The following TRPC6 variants were observed in gnomAD, a reference collection of about 807,000 sequenced individuals.
TRPC6 encodes the protein short transient receptor potential channel 6.
A neutral mutation model predicts 90.7 loss-of-function variants in TRPC6; 55 were observed. That is an observed-to-expected ratio of 0.61 (90% CI 0.49 to 0.76). The LOEUF is 0.76. TRPC6 is among the 30% of genes least tolerant of loss of function. The probability of loss-of-function intolerance (pLI) is 0.00; values close to 1 mark genes in which losing one functional copy is unlikely to be tolerated. For synonymous variants in TRPC6, 393 were observed against 393.0 expected, an observed-to-expected ratio of 1.00 and a Z score of 0.00; for missense variants, 989 against 1,122.7, an observed-to-expected ratio of 0.88 and a Z score of 1.70.
intron 1 of TRPC6, among the ~76,000 whole-genome samples, chr11:101,535,394 TTA>T (rs150780781): frequency 0.32 from 35,646 of 111,694 alleles, 4,511 homozygotes; most frequent in Middle Eastern, 0.5. Flanking sequence ...AATCTTATTA[TTA>T]TTTTTTTTTT....
chr11:101,579,016 T>G (rs1862133321), intron 1 of TRPC6, among the ~76,000 whole-genome samples: 1 of 152,106 alleles, frequency 6.6e-6, no homozygotes, highest in South Asian at 2.1e-4. Flanking sequence ...TTCATAAACA[T>G]GAAAATTCAT....
At position 101,452,470 on chromosome 11, in the gene TRPC6, C is replaced by G. The variant is rs1858785453; in HGVS notation, c.*485G>C. 6.1e-6 allele frequency: 1 copy of G among 163,960 alleles called. No homozygotes were observed. The highest frequency in any genetic ancestry group is 5.7e-5 in the Admixed American group (1 of 17,626). 10.2% of individuals were successfully genotyped at this position (163,960 alleles called of 1,614,324 possible). On this transcript the variant is annotated 3_prime_UTR_variant, in exon 13 of 13. Coordinates refer to ENST00000344327, the MANE Select transcript of TRPC6 (RefSeq NM_004621.6). ...AGTAGGGTAAATGGTGTTTAAACAG[C>G]ATTCTAAAGAAAGGATTAAAGCATT...
At chr11:101,464,756 CTG>C (rs1482364011) in intron 10 of TRPC6, among the ~76,000 whole-genome samples, 3 of 152,088 alleles carry the variant, frequency 2.0e-5, no homozygotes, top group Non-Finnish European at 2.9e-5. Context: ...ATATGCCAGT[CTG>C]TGTCTTTTAA....
chr11:101,581,912 AAAGTCTGTACTATGAG>A (rs1454150945), intron 1 of TRPC6, among the ~76,000 whole-genome samples: 2 of 152,232 alleles, frequency 1.3e-5, no homozygotes, highest in African/African-American at 4.8e-5. Context: ...TAAAGTTGGA[AAAGTCTGTACTATGAG>A]ACATAAAAAT....
At chr11:101,579,983 AC>A (rs1189687015) in intron 1 of TRPC6, among the ~76,000 whole-genome samples, 2 of 152,142 alleles carry the variant, frequency 1.3e-5, no homozygotes, top group Non-Finnish European at 2.9e-5. Flanking sequence ...ATGGTAGATT[AC>A]CCTTTTATTT....
intron 10 of TRPC6, among the ~76,000 whole-genome samples, chr11:101,467,108 C>T (rs937818337): frequency 2.0e-5 from 3 of 152,208 alleles, no homozygotes; most frequent in South Asian, 2.1e-4. Context: ...CTGCCTTCTG[C>T]GTCGATCTTG....
At chr11:101,538,491 T>C (rs1358209172) in intron 1 of TRPC6, among the ~76,000 whole-genome samples, 1 of 152,128 alleles carries the variant, frequency 6.6e-6, no homozygotes, top group East Asian at 1.9e-4. Flanking sequence ...GGCTGAATGG[T>C]CTCCCAAAGA....
intron 5 of TRPC6, among the ~76,000 whole-genome samples, chr11:101,479,564 A>G (rs570258313): frequency 6.6e-6 from 1 of 152,326 alleles, no homozygotes; most frequent in African/African-American, 2.4e-5. Context: ...CACACCCAAC[A>G]TCTCATCTAA....
At position 101,471,329 on chromosome 11, in the gene TRPC6, C is replaced by T. The variant is rs1462423592; in HGVS notation, c.2263G>A (p.Glu755Lys). The change falls in exon 9 of 13, where the codon GAG (glutamate) becomes AAG (lysine). Residue 755 changes from glutamate (E) to lysine (K), a missense_variant. Around this residue, in one of 4 missense-constraint regions of TRPC6, gnomAD observed 191 missense variants for 196.7 expected, o/e 0.97. Coordinates refer to ENST00000344327, the MANE Select transcript of TRPC6 (RefSeq NM_004621.6). ...GGTACAGGAAGTGTTCTGCCCTCCT[C>T]AAAGTAGGAAAACCAGAGTTTGGCC... The part of the protein sequence containing the change: ...ARAKLWFSYF[E>K]EGRTLPVPFN... The T allele has an allele frequency of 2.1e-5, 34 of 1,613,788 alleles. No homozygotes were observed. The highest frequency in any genetic ancestry group is 2.6e-5 in the Non-Finnish European group (31 of 1,179,868).
intron 5 of TRPC6, among the ~76,000 whole-genome samples, chr11:101,478,627 C>G (rs1271586610): frequency 6.6e-6 from 1 of 151,984 alleles, no homozygotes; most frequent in African/African-American, 2.4e-5. Context: ...TCCTGAGGAC[C>G]CCTGAGAGCT....
chr11:101,579,752 T>C (rs887530215), intron 1 of TRPC6, among the ~76,000 whole-genome samples: 4 of 152,196 alleles, frequency 2.6e-5, no homozygotes, highest in Non-Finnish European at 4.4e-5. Flanking sequence ...CTGGTGGGCA[T>C]ATATTTCTAG....
chr11:101,533,492 T>C (rs1860959882), intron 1 of TRPC6, among the ~76,000 whole-genome samples: 1 of 152,014 alleles, frequency 6.6e-6, no homozygotes. Context: ...CCCAAACACC[T>C]CCTGCCAGGC....
intron 7 of TRPC6, among the ~76,000 whole-genome samples, chr11:101,472,854 T>A (rs1218190951): frequency 6.6e-6 from 1 of 152,164 alleles, no homozygotes; most frequent in East Asian, 1.9e-4. Context: ...TTCACTTCCC[T>A]GGCAAACTGT....
chr11:101,578,419 C>CT (rs148060483), intron 1 of TRPC6, among the ~76,000 whole-genome samples: 1 of 152,080 alleles, frequency 6.6e-6, no homozygotes, highest in Non-Finnish European at 1.5e-5. Context: ...TCAATACTAA[C>CT]TTTTTTTGCC....
intron 2 of TRPC6, among the ~76,000 whole-genome samples, chr11:101,499,620 CACACACA>C (rs1860042797): frequency 1.5e-5 from 1 of 66,496 alleles, no homozygotes; most frequent in East Asian, 2.7e-4. Context: ...TATATATATA[CACACACA>C]ATATAAAATG....
intron 1 of TRPC6, among the ~76,000 whole-genome samples, chr11:101,563,245 A>C (rs961084179): frequency 6.6e-6 from 1 of 152,174 alleles, no homozygotes; most frequent in Non-Finnish European, 1.5e-5. Flanking sequence ...AACTGATTAT[A>C]AGGTTGATTA....
chr11:101,478,412 A>G (rs1859464172), intron 5 of TRPC6, among the ~76,000 whole-genome samples: 1 of 152,154 alleles, frequency 6.6e-6, no homozygotes, highest in Admixed American at 6.5e-5. Flanking sequence ...CGGATGGTTC[A>G]GAGTAACAAG....
At chr11:101,494,515 A>C (rs1481685179) in intron 2 of TRPC6, among the ~76,000 whole-genome samples, 1 of 152,218 alleles carries the variant, frequency 6.6e-6, no homozygotes, top group Non-Finnish European at 1.5e-5. Flanking sequence ...CATGGAGCTG[A>C]GACAAAATTT....
chr11:101,495,743 G>A (rs10895121), intron 2 of TRPC6, among the ~76,000 whole-genome samples: 63,259 of 151,440 alleles, frequency 0.42, 14,037 homozygotes, highest in African/African-American at 0.58. Flanking sequence ...ATTATCTGCA[G>A]GTGTTGGAAA....
Sources: gnomAD v4.1 joint callset for allele counts (sites outside exome capture counted in the v4.1 genomes callset) on GRCh38, gnomAD v4.1.1 for gene constraint, gnomAD v4.1.1 regional missense constraint, MANE v1.5 for transcripts, NCBI Gene and HGNC (gene_info 2026-07-23, HGNC 2026-07-21) for gene names.